CCNE1: variants seen among roughly 807,000 people sequenced by gnomAD.
The protein encoded by CCNE1 is cyclin E1, also known as G1/S-specific cyclin-E1.
CCNE1 carries 8 observed loss-of-function variants against 54.1 expected under a neutral mutation model. That is an observed-to-expected ratio of 0.15 (90% CI 0.09 to 0.27). CCNE1 has a LOEUF of 0.27. Ranked by LOEUF, CCNE1 falls within the 10% of genes least tolerant of loss-of-function variation. The pLI is 1.00. For synonymous variants in CCNE1, 179 were observed against 185.2 expected, an observed-to-expected ratio of 0.97 and a Z score of 0.27; for missense variants, 430 against 514.9, an observed-to-expected ratio of 0.84 and a Z score of 1.60.
chr19:29,822,609 T>C lies in CCNE1; in HGVS notation c.1110+6T>C. 1 of 1,589,826 alleles carries C rather than the reference T, an allele frequency of 6.3e-7. No individual in the cohort carries two copies. The highest frequency in any genetic ancestry group is 8.6e-7 in the Non-Finnish European group (1 of 1,165,254). Reference sequence around the variant, plus strand: ...GAGACAGCTTGGATTTGCTGGTCAGTGCTGCTCCTTCTTTCAGTCCTTCTT... The same window carrying C: ...GAGACAGCTTGGATTTGCTGGTCAGCGCTGCTCCTTCTTTCAGTCCTTCTT... On this transcript the variant is annotated splice_donor_region_variant and intron_variant, in intron 11 of 11. Transcript: ENST00000262643.
chr19:29,819,071 C>T (rs1343679385), intron 6 of CCNE1, among the ~76,000 whole-genome samples: 2 of 151,504 alleles, frequency 1.3e-5, no homozygotes, highest in African/African-American at 4.8e-5. Context: ...CCCTTGAGAC[C>T]CCATTTCAAC....
intron 7 of CCNE1, among the ~76,000 whole-genome samples, 173 bp from the exon 8 acceptor site, chr19:29,821,547 CTT>C (rs35368977): frequency 0.33 from 35,871 of 110,162 alleles, 5,837 homozygotes; most frequent in East Asian, 0.61. Flanking sequence ...GAGTTGTGTT[CTT>C]TTTTTTTTTT....
At chr19:29,821,589 T>G in intron 7 of CCNE1, 133 bp from the exon 8 acceptor site, 4 of 380,522 alleles carry the variant, frequency 1.1e-5, no homozygotes, top group African/African-American at 2.1e-5. Flanking sequence ...TTGGTGTGGC[T>G]TCTGTGTTAA....
chr19:29,813,119 C>T, intron 4 of CCNE1, 82 bp downstream of exon 4: 1 of 1,270,336 alleles, frequency 7.9e-7, no homozygotes, highest in East Asian at 2.3e-5. Context: ...TTGTCTCTTG[C>T]TGGAGACACT....
chr19:29,818,026 AT>A (rs35607816), intron 6 of CCNE1, among the ~76,000 whole-genome samples: 191 of 84,546 alleles, frequency 2.3e-3, no homozygotes, highest in African/African-American at 2.8e-3. Context: ...CACGCCCAGT[AT>A]TTTTTTTTTT....
At chr19:29,817,857 CTTTTTTTTTTT>C (rs34598025) in intron 6 of CCNE1, among the ~76,000 whole-genome samples, 4 of 95,910 alleles carry the variant, frequency 4.2e-5, no homozygotes, top group Non-Finnish European at 5.8e-5. Context: ...CATTAAATTG[CTTTTTTTTTTT>C]TTTTTTTTTT....
chr19:29,816,506 C>T (rs139191352), intron 4 of CCNE1, among the ~76,000 whole-genome samples: 117 of 152,188 alleles, frequency 7.7e-4, no homozygotes, highest in African/African-American at 2.5e-3. Flanking sequence ...CATAGTATGA[C>T]CTGTGACCAT....
rs1372321275 is a variant in CCNE1, at chr19:29,812,346, C to T, written c.-24-186C>T. Among the ~76,000 whole-genome samples, 5 of 149,072 alleles carry T rather than the reference C, an allele frequency of 3.4e-5. No individual in the cohort carries two copies. The East Asian group carries it at 9.9e-4, about 29-fold the overall frequency. ...AGCCCGGGCCCCGGGAGGCGACGGGCCGGTGAGGGCGGCGGGGGCGGCGGG... is the reference window on the plus strand; with the variant it reads ...AGCCCGGGCCCCGGGAGGCGACGGGTCGGTGAGGGCGGCGGGGGCGGCGGG... On this transcript the variant is annotated intron_variant, in intron 1 of 11. Transcript: ENST00000262643.
In CCNE1 at chr19:29,812,761, G is replaced by A. The variant is rs1973923958; in HGVS notation, c.96G>A (p.Lys32=). ...AEFSARSRKR[K]ANVTVFLQDP... Reference sequence around the variant, plus strand: ...TCTCGGCTCGCTCCAGGAAGAGGAAGGCAAACGTGACCGTTGTGAGTACAA... The same window carrying A: ...TCTCGGCTCGCTCCAGGAAGAGGAAAGCAAACGTGACCGTTGTGAGTACAA... Residue 32 remains lysine (K), a synonymous_variant, in exon 3 of 12, where the codon AAG becomes AAA. Coordinates refer to ENST00000262643, the MANE Select transcript of CCNE1 (RefSeq NM_001238.4). The A allele has an allele frequency of 3.1e-6, 5 of 1,593,264 alleles. No individual in the cohort carries two copies. In the South Asian group the frequency reaches 4.6e-5, roughly 15 times the overall value.
chr19:29,821,996 G>A lies in CCNE1; in HGVS notation c.706G>A (p.Ala236Thr). 6.2e-7 allele frequency: 1 copy of A among 1,607,846 alleles called. No individual in the cohort carries two copies. The highest frequency in any genetic ancestry group is 8.5e-7 in the Non-Finnish European group (1 of 1,176,894). The change falls in exon 9 of 12, where the codon GCC (alanine) becomes ACC (threonine). Residue 236 changes from alanine (A) to threonine (T), a missense_variant and splice_region_variant. Physicochemically the swap from Ala to Thr is moderately conservative, Grantham distance 58. Around this residue, in one of 2 missense-constraint regions of CCNE1, gnomAD observed 303 missense variants for 401.1 expected, o/e 0.76. Transcript: ENST00000262643. ...CTCTTTTCTCTCTGTTTTCCTTTAG[G>A]CCCTTAAGTGGCGTTTAAGTCCCCT... is the stretch of plus-strand genomic sequence containing the variant. Reference protein sequence around the residue: ...ILTMELMIMKALKWRLSPLTI... With the variant: ...ILTMELMIMKTLKWRLSPLTI...
chr19:29,813,746 G>A (rs1189842965), intron 4 of CCNE1, among the ~76,000 whole-genome samples: 2 of 152,122 alleles, frequency 1.3e-5, no homozygotes, highest in Non-Finnish European at 2.9e-5. Context: ...CATGCAGTGT[G>A]ATAATCATTA....
At position 29,812,581 on chromosome 19, in the gene CCNE1, G is replaced by T; in HGVS notation, c.23+3G>T. 1 of 1,522,334 alleles carries T rather than the reference G, an allele frequency of 6.6e-7. No individual in the cohort carries two copies. The allele number at this position is 1,522,334 out of a possible 1,614,324, so 94.3% of individuals were successfully genotyped here. On this transcript the variant is annotated splice_donor_region_variant and intron_variant, in intron 2 of 11. Transcript: ENST00000262643. ...ATGCCGAGGGAGCGCAGGGAGCGGT[G>T]AGTGCCCGCGCCGCGGGGCCGGACG...
chr19:29,818,100 T>A (rs1356771541), intron 6 of CCNE1, among the ~76,000 whole-genome samples: 1 of 151,228 alleles, frequency 6.6e-6, no homozygotes, highest in Non-Finnish European at 1.5e-5. Flanking sequence ...GATCTCAGCT[T>A]ACTGCAAGCT....
At chr19:29,814,056 C>A (rs1400590117) in intron 4 of CCNE1, among the ~76,000 whole-genome samples, 1 of 152,192 alleles carries the variant, frequency 6.6e-6, no homozygotes, top group African/African-American at 2.4e-5. Flanking sequence ...GTTGTCACTG[C>A]ATGTAAGGTC....
In CCNE1 at chr19:29,822,229, C is replaced by T; in HGVS notation, c.841-11C>T. 2 of 1,612,738 alleles carry T rather than the reference C, an allele frequency of 1.2e-6. No individual in the cohort carries two copies. Among genetic ancestry groups the T allele is most frequent in the South Asian group, 1.1e-5 (1 of 91,062 alleles). ...GTGGCATCCATCTCAGCGTTCTTTT[C>T]TTCTCCGTAGCTGTTGGATCTCTGT... On this transcript the variant is annotated splice_polypyrimidine_tract_variant and intron_variant, in intron 9 of 11. Coordinates refer to ENST00000262643, the MANE Select transcript of CCNE1 (RefSeq NM_001238.4).
intron 6 of CCNE1, among the ~76,000 whole-genome samples, 180 bp downstream of exon 6, chr19:29,817,721 A>G (rs1029664336): frequency 4.6e-5 from 7 of 152,278 alleles, no homozygotes; most frequent in Middle Eastern, 6.8e-3. Context: ...AATTTCTGAA[A>G]TCTTTTTATC....
Position 29,823,715 on chromosome 19 carries a change from A to G in CCNE1, c.1171A>G (p.Ser391Gly). 1 of 1,614,140 alleles carries G rather than the reference A, an allele frequency of 6.2e-7. No homozygotes were observed. Among genetic ancestry groups the G allele is most frequent in the Non-Finnish European group, 8.5e-7 (1 of 1,179,990 alleles). The change falls in exon 12 of 12, where the codon AGT becomes GGT. Residue 391 changes from serine (S) to glycine (G), a missense_variant. By Grantham distance (56) the Ser-to-Gly change is moderately conservative (BLOSUM62 0). Around this residue, in one of 2 missense-constraint regions of CCNE1, gnomAD observed 303 missense variants for 401.1 expected, o/e 0.76. Coordinates refer to ENST00000262643, the MANE Select transcript of CCNE1 (RefSeq NM_001238.4). ...SEQNRASPLP[S>G]GLLTPPQSGK... is the part of the protein sequence containing the mutation. Reference sequence around the variant, plus strand: ...ACAAAATAGGGCTTCTCCTCTCCCCAGTGGGCTCCTCACCCCGCCACAGAG... The same window carrying G: ...ACAAAATAGGGCTTCTCCTCTCCCCGGTGGGCTCCTCACCCCGCCACAGAG...
chr19:29,816,033 G>A (rs140246225), intron 4 of CCNE1, among the ~76,000 whole-genome samples: 1 of 151,876 alleles, frequency 6.6e-6, no homozygotes, highest in African/African-American at 2.4e-5. Context: ...GTGCATGCCT[G>A]TAGTCCTAGC....
At position 29,819,394 on chromosome 19, in the gene CCNE1, C is replaced by T. The variant is rs561831377; in HGVS notation, c.463-1308C>T. ...AATTCCTGGGCTCAAGCAGTCCTCCCACCTCAGCCTCCGCAGTCCTTGGGA... is the reference window on the plus strand; with the variant it reads ...AATTCCTGGGCTCAAGCAGTCCTCCTACCTCAGCCTCCGCAGTCCTTGGGA... On this transcript the variant is annotated intron_variant, in intron 6 of 11. Coordinates refer to ENST00000262643, the MANE Select transcript of CCNE1 (RefSeq NM_001238.4). Among the ~76,000 whole-genome samples the T allele has an allele frequency of 1.2e-3, 184 of 152,068 alleles. 1 individual carries two copies. The highest frequency in any genetic ancestry group is 4.2e-3 in the African/African-American group (175 of 41,510).
Sources: allele counts gnomAD v4.1 joint callset (sites outside exome capture counted in the v4.1 genomes callset), GRCh38; gene constraint gnomAD v4.1.1; regional missense constraint gnomAD v4.1.1; transcripts MANE v1.5; gene names NCBI Gene and HGNC (gene_info 2026-07-23, HGNC 2026-07-21).